ACSS3: variants seen among roughly 807,000 people sequenced by gnomAD.
ACSS3 encodes acyl-CoA synthetase short-chain family member 3, mitochondrial.
Under a neutral mutation model 84.2 loss-of-function variants are expected in ACSS3, and 64 were observed. The ratio of observed to expected loss-of-function variants is 0.76; its 90% CI spans 0.62 to 0.94. The LOEUF is 0.94. Ranked by LOEUF, ACSS3 falls within the 40% of genes least tolerant of loss-of-function variation. The pLI is 0.00. For synonymous variants in ACSS3, 317 were observed against 310.1 expected, an observed-to-expected ratio of 1.02 and a Z score of -0.23; for missense variants, 815 against 867.6, an observed-to-expected ratio of 0.94 and a Z score of 0.76.
At chr12:81,239,678 AC>A (rs978639894) in intron 13 of ACSS3, among the ~76,000 whole-genome samples, 1 of 151,582 alleles carries the variant, frequency 6.6e-6, no homozygotes, top group African/African-American at 2.4e-5. Flanking sequence ...GAAAAGATTC[AC>A]CCCCATGATT....
chr12:81,109,885 C>G (rs1469603352), intron 2 of ACSS3, among the ~76,000 whole-genome samples, 181 bp downstream of exon 2: 1 of 152,106 alleles, frequency 6.6e-6, no homozygotes, highest in Non-Finnish European at 1.5e-5. Flanking sequence ...GTTTTTATAG[C>G]CTTCAATTTA....
chr12:81,078,437 T>C lies in ACSS3; in HGVS notation c.311+6T>C, dbSNP rs759138967. 3 of 1,611,614 alleles carry C rather than the reference T, an allele frequency of 1.9e-6. No individual in the cohort carries two copies. The highest frequency in any genetic ancestry group is 1.7e-6 in the Non-Finnish European group (2 of 1,179,932). ...CACTCGCCCTCTACCAGGTGGTGAG[T>C]GACTTCTGTGCCAACCCTGATCCCC... On this transcript the variant is annotated splice_donor_region_variant and intron_variant, in intron 1 of 15. Transcript: ENST00000548058.
At chr12:81,112,431 T>C (rs1278800976) in intron 2 of ACSS3, among the ~76,000 whole-genome samples, 1 of 152,222 alleles carries the variant, frequency 6.6e-6, no homozygotes, top group Non-Finnish European at 1.5e-5. Context: ...CATAAGTGTA[T>C]ATGACAATTA....
intron 8 of ACSS3, among the ~76,000 whole-genome samples, chr12:81,177,113 G>C (rs898166037): frequency 3.3e-5 from 5 of 152,186 alleles, no homozygotes; most frequent in South Asian, 2.1e-4. Context: ...ATAAAATTTA[G>C]TATCCCTTCA....
At chr12:81,179,297 A>AAAAAAAAAAAAAAAAAAAAAC (rs1451880015) in intron 8 of ACSS3, among the ~76,000 whole-genome samples, 1 of 46,812 alleles carries the variant, frequency 2.1e-5, no homozygotes, top group Non-Finnish European at 6.1e-5. Flanking sequence ...AAAGAAAAAG[A>AAAAAAAAAAAAAAAAAAAAAC]AAAAAAAAAC....
intron 1 of ACSS3, among the ~76,000 whole-genome samples, chr12:81,086,248 G>T (rs1419888380): frequency 7.4e-6 from 1 of 134,632 alleles, no homozygotes; most frequent in Non-Finnish European, 1.8e-5. Context: ...CACAGTAAAG[G>T]TATATTTAAA....
chr12:81,102,667 CA>C (rs71309551), intron 1 of ACSS3, among the ~76,000 whole-genome samples: 52 of 146,668 alleles, frequency 3.5e-4, no homozygotes, highest in Middle Eastern at 3.5e-3. Flanking sequence ...CTAAAACTAC[CA>C]AAAAAAAAAA....
chr12:81,100,388 T>C (rs10862239), intron 1 of ACSS3, among the ~76,000 whole-genome samples: 49,401 of 151,918 alleles, frequency 0.33, 8,313 homozygotes, highest in Admixed American at 0.45. Context: ...GGGGAGGCCC[T>C]CAGTCCTGTC....
rs911731946 is a variant in ACSS3 at position 81,256,998 on chromosome 12, T to G, written c.*2076T>G. 6.6e-6 allele frequency: 1 copy of G among 152,110 alleles called. No individual in the cohort carries two copies. Among genetic ancestry groups the G allele is most frequent in the African/African-American group, 2.4e-5 (1 of 41,434 alleles). 9.4% of individuals were successfully genotyped at this position (152,110 alleles called of 1,614,324 possible). A position where few individuals can be genotyped will look rare whatever the true frequency, so the allele number is the denominator to read the frequency against. Reference sequence around the variant, plus strand: ...TTAGGAGTAGAATGTGTTTCCTTATTTTTTTTCAAATAAGAGTCAGTTAAT... The same window carrying G: ...TTAGGAGTAGAATGTGTTTCCTTATGTTTTTTCAAATAAGAGTCAGTTAAT... On this transcript the variant is annotated 3_prime_UTR_variant, in exon 16 of 16. Coordinates refer to ENST00000548058, the MANE Select transcript of ACSS3 (RefSeq NM_024560.4).
At chr12:81,082,476 A>C (rs7978621) in intron 1 of ACSS3, among the ~76,000 whole-genome samples, 1 of 151,898 alleles carries the variant, frequency 6.6e-6, no homozygotes, top group Non-Finnish European at 1.5e-5. Context: ...GGAGTTAGAC[A>C]TGTGAGAAGT....
At chr12:81,128,303 T>C (rs1885250109) in intron 2 of ACSS3, among the ~76,000 whole-genome samples, 1 of 152,154 alleles carries the variant, frequency 6.6e-6, no homozygotes. Context: ...ATTGAACCAA[T>C]GACAGGACAT....
chr12:81,096,492 C>T (rs1052018915), intron 1 of ACSS3, among the ~76,000 whole-genome samples: 19 of 152,134 alleles, frequency 1.2e-4, no homozygotes, highest in Admixed American at 1.1e-3. Context: ...TATTATTATA[C>T]TTTAAGTTCT....
At position 81,199,341 on chromosome 12, in the gene ACSS3, G is replaced by A. The variant is rs1427519206; in HGVS notation, c.1251G>A (p.Arg417=). The part of the protein sequence containing the change: ...AALGKQYSLT[R]FKTLFVAGER... ...TTTGAATTCACTGTCTCATATTCAG[G>A]TTCAAAACATTATTTGTGGCTGGAG... Residue 417 remains arginine, a splice_region_variant and synonymous_variant, in exon 9 of 16, where the codon AGG becomes AGA. Transcript: ENST00000548058. The A allele has an allele frequency of 1.2e-6, 2 of 1,610,206 alleles. No individual in the cohort carries two copies. Among genetic ancestry groups the A allele is most frequent in the African/African-American group, 1.3e-5 (1 of 74,696 alleles).
intron 1 of ACSS3, among the ~76,000 whole-genome samples, 197 bp from the exon 2 acceptor site, chr12:81,109,363 A>G (rs1883372307): frequency 6.6e-6 from 1 of 152,210 alleles, no homozygotes; most frequent in South Asian, 2.1e-4. Flanking sequence ...CAAAATAAAT[A>G]CATGCTTATT....
At chr12:81,111,407 C>T (rs1883574452) in intron 2 of ACSS3, among the ~76,000 whole-genome samples, 1 of 152,288 alleles carries the variant, frequency 6.6e-6, no homozygotes, top group Admixed American at 6.5e-5. Flanking sequence ...TGGAGCCTTA[C>T]ATCCAGGGGA....
chr12:81,078,394 A>G lies in ACSS3; in HGVS notation c.274A>G (p.Lys92Glu). 6.2e-7 allele frequency: 1 copy of G among 1,612,568 alleles called. No individual in the cohort carries two copies. The highest frequency in any genetic ancestry group is 8.5e-7 in the Non-Finnish European group (1 of 1,179,966). The change falls in exon 1 of 16, where the codon AAA becomes GAA. Residue 92 changes from lysine (K) to glutamate (E), a missense_variant. Physicochemically the swap from Lys to Glu is moderately conservative, Grantham distance 56. Transcript: ENST00000548058. ...EQISWYKPWT[K>E]TLENKHSPST... ...GATCAGCTGGTACAAGCCCTGGACC[A>G]AAACGCTGGAGAACAAACACTCGCC...
intron 9 of ACSS3, among the ~76,000 whole-genome samples, chr12:81,202,712 A>G (rs1389836409): frequency 2.0e-5 from 3 of 152,222 alleles, no homozygotes; most frequent in Admixed American, 2.0e-4. Flanking sequence ...CTCTCTGATT[A>G]CACTGATACA....
intron 9 of ACSS3, among the ~76,000 whole-genome samples, chr12:81,213,572 CTCTCCTCT>C (rs2032681447): frequency 1.8e-5 from 1 of 55,670 alleles, no homozygotes; most frequent in African/African-American, 6.3e-5. Context: ...CTCTCCTCTC[CTCTCCTCT>C]CCTCCCCTCC....
At position 81,253,307 on chromosome 12, in the gene ACSS3, T is replaced by G. The variant is rs1295393392; in HGVS notation, c.1720T>G (p.Ser574Ala). ...AAATGAATGCCTTTCCTTATTACAGTCAATCCTTTCCCATGGTACCGTGGC... is the reference window on the plus strand; with the variant it reads ...AAATGAATGCCTTTCCTTATTACAGGCAATCCTTTCCCATGGTACCGTGGC... ...HRISAGAIEE[S>A]ILSHGTVADC... Residue 574 changes from serine to alanine, a missense_variant and splice_region_variant, in exon 14 of 16, where the codon TCA becomes GCA. Ser to Ala is a moderately conservative substitution (Grantham distance 99). Transcript: ENST00000548058. 2 of 1,613,508 alleles carry G rather than the reference T, an allele frequency of 1.2e-6. No homozygotes were observed. Among genetic ancestry groups the G allele is most frequent in the Admixed American group, 3.3e-5 (2 of 59,968 alleles).
Sources: gnomAD v4.1 joint callset for allele counts (sites outside exome capture counted in the v4.1 genomes callset) on GRCh38, gnomAD v4.1.1 for gene constraint, MANE v1.5 for transcripts, NCBI Gene and HGNC (gene_info 2026-07-23, HGNC 2026-07-21) for gene names.